NRXN1: variants seen among roughly 807,000 people sequenced by gnomAD.
The protein encoded by NRXN1 is neurexin-1.
In NRXN1, 39 loss-of-function variants were observed where a neutral mutation model predicts 150.9. The observed-to-expected ratio is 0.26, with a 90% CI of 0.20 to 0.34. The LOEUF (loss-of-function observed/expected upper bound fraction) is 0.34, where lower values mean the gene tolerates loss of function less well. NRXN1 is among the 10% of genes least tolerant of loss of function. The pLI is 1.00. For synonymous variants in NRXN1, 924 were observed against 757.0 expected (o/e 1.22, Z -3.62); for missense variants, 1,815 against 1,949.9 (o/e 0.93, Z 1.30).
chr2:50,623,002 T>G, intron 6 of NRXN1, among the ~76,000 whole-genome samples: 1 of 151,992 alleles, frequency 6.6e-6, no homozygotes, highest in East Asian at 1.9e-4. Context: ...CAATTTAAAA[T>G]TAAACAAACA....
chr2:50,797,914 A>G (rs886117815), intron 5 of NRXN1, among the ~76,000 whole-genome samples: 4 of 152,216 alleles, frequency 2.6e-5, no homozygotes, highest in South Asian at 2.1e-4. Flanking sequence ...CTAAAAGAAC[A>G]GTTGTCTTGT....
intron 2 of NRXN1, among the ~76,000 whole-genome samples, chr2:50,941,058 A>T (rs1689368438): frequency 6.6e-6 from 1 of 152,056 alleles, no homozygotes. Flanking sequence ...TCATGATAGA[A>T]TTCTTATGGG....
intron 17 of NRXN1, among the ~76,000 whole-genome samples, chr2:50,239,662 G>GTATATATATATATATATA (rs59505952): frequency 2.1e-5 from 1 of 47,270 alleles, no homozygotes; most frequent in African/African-American, 5.9e-5. Flanking sequence ...ACCTATTCCA[G>GTATATATATATATATATA]TATATATATA....
At chr2:50,277,433 C>G (rs949886905) in intron 17 of NRXN1, among the ~76,000 whole-genome samples, 1 of 150,148 alleles carries the variant, frequency 6.7e-6, no homozygotes, top group African/African-American at 2.5e-5. Flanking sequence ...TCCTCCCTCC[C>G]TTCCTCCTTC....
intron 5 of NRXN1, among the ~76,000 whole-genome samples, chr2:50,642,754 G>A (rs76296414): frequency 7.8e-4 from 118 of 152,008 alleles, no homozygotes; most frequent in African/African-American, 2.5e-3. Flanking sequence ...AGAGTTAAGC[G>A]TTTGGAAAGC....
intron 2 of NRXN1, among the ~76,000 whole-genome samples, chr2:50,986,734 A>G (rs1697778201): frequency 6.9e-6 from 1 of 144,882 alleles, no homozygotes; most frequent in Non-Finnish European, 1.6e-5. Context: ...ATTGCCAAAT[A>G]TTCATATTTT....
At chr2:50,188,594 G>C (rs1364216243) in intron 18 of NRXN1, among the ~76,000 whole-genome samples, 1 of 151,964 alleles carries the variant, frequency 6.6e-6, no homozygotes, top group East Asian at 1.9e-4. Context: ...GTAACCTACA[G>C]AATGGGAGAA....
At chr2:50,904,256 G>C (rs918955771) in intron 5 of NRXN1, among the ~76,000 whole-genome samples, 1 of 152,136 alleles carries the variant, frequency 6.6e-6, no homozygotes, top group Non-Finnish European at 1.5e-5. Flanking sequence ...AGAAATTAAA[G>C]TATAATAATA....
chr2:50,945,899 T>TATACAC (rs371095334), intron 2 of NRXN1, among the ~76,000 whole-genome samples: 7 of 103,030 alleles, frequency 6.8e-5, no homozygotes, highest in African/African-American at 2.7e-4. Flanking sequence ...TATATATATA[T>TATACAC]ACACACACAC....
chr2:50,983,642 C>T (rs1194201352), intron 2 of NRXN1, among the ~76,000 whole-genome samples: 1 of 152,056 alleles, frequency 6.6e-6, no homozygotes, highest in East Asian at 1.9e-4. Context: ...TATTAGGGAA[C>T]TTTTCTTATT....
chr2:50,933,118 A>G (rs949724935), intron 2 of NRXN1, among the ~76,000 whole-genome samples: 4 of 152,152 alleles, frequency 2.6e-5, no homozygotes, highest in African/African-American at 9.7e-5. Flanking sequence ...GTCCAGGTTT[A>G]TAAATGTGTT....
chr2:50,833,451 A>G (rs1374473083), intron 5 of NRXN1, among the ~76,000 whole-genome samples: 2 of 152,198 alleles, frequency 1.3e-5, no homozygotes, highest in Admixed American at 6.5e-5. Context: ...CCTCCCTACA[A>G]TGGAATAATA....
At chr2:50,523,829 G>C (rs1474679570) in intron 12 of NRXN1, among the ~76,000 whole-genome samples, 1 of 152,168 alleles carries the variant, frequency 6.6e-6, no homozygotes, top group South Asian at 2.1e-4. Flanking sequence ...CTGCAAATAG[G>C]AATTGAACTT....
intron 5 of NRXN1, chr2:50,829,690 G>T: frequency 6.2e-7 from 1 of 1,607,228 alleles, no homozygotes; most frequent in Non-Finnish European, 8.5e-7. Context: ...GGAGCGCCGC[G>T]CCAGGCCGCC....
At chr2:50,578,398 C>G (rs1393595313) in intron 8 of NRXN1, among the ~76,000 whole-genome samples, 1 of 152,106 alleles carries the variant, frequency 6.6e-6, no homozygotes, top group African/African-American at 2.4e-5. Context: ...AAGCCCATAA[C>G]TTTTTAAAAA....
At chr2:50,021,693 G>A (rs889698733) in intron 21 of NRXN1, among the ~76,000 whole-genome samples, 1 of 152,102 alleles carries the variant, frequency 6.6e-6, no homozygotes, top group Non-Finnish European at 1.5e-5. Flanking sequence ...AATGTATTCA[G>A]TAATTAAAAA....
chr2:49,940,756 G>A (rs1671839937), intron 22 of NRXN1, among the ~76,000 whole-genome samples: 1 of 152,180 alleles, frequency 6.6e-6, no homozygotes, highest in African/African-American at 2.4e-5. Flanking sequence ...GAGGTGGACA[G>A]AAAAAGCTAA....
chr2:50,607,141 T>C (rs993779410), intron 8 of NRXN1, among the ~76,000 whole-genome samples: 23 of 152,178 alleles, frequency 1.5e-4, no homozygotes, highest in African/African-American at 4.6e-4. Flanking sequence ...AAAATTCTGA[T>C]GTCCTAAAGA....
intron 5 of NRXN1, among the ~76,000 whole-genome samples, chr2:50,648,637 T>C (rs1411382510): frequency 1.3e-5 from 2 of 151,984 alleles, no homozygotes; most frequent in Non-Finnish European, 1.5e-5. Flanking sequence ...TATGGTCTGA[T>C]AGGCATCTCT....
Sources: allele counts gnomAD v4.1 joint callset (sites outside exome capture counted in the v4.1 genomes callset), GRCh38; gene constraint gnomAD v4.1.1; transcripts MANE v1.5; gene names NCBI Gene and HGNC (gene_info 2026-07-23, HGNC 2026-07-21).